Variants in POLA1 observed in about 807,000 individuals in gnomAD.
The protein encoded by POLA1 is DNA polymerase alpha catalytic subunit.
Under a neutral mutation model 124.0 loss-of-function variants are expected in POLA1, and 15 were observed. That is an observed-to-expected ratio of 0.12 (90% CI 0.08 to 0.19). The LOEUF is 0.19. Among genes scored for constraint, POLA1 ranks in the 10% least tolerant of loss-of-function variants. The pLI, the probability that POLA1 is intolerant of heterozygous loss-of-function variation, is 1.00. For synonymous variants in POLA1, 408 were observed against 389.4 expected (o/e 1.05, Z -0.56); for missense variants, 886 against 1,103.4 (o/e 0.80, Z 2.79).
At chrX:24,712,157 G>C (rs1307070679) in intron 4 of POLA1, among the ~76,000 whole-genome samples, 1 of 110,306 alleles carries the variant, frequency 9.1e-6, no homozygotes, top group African/African-American at 3.3e-5. Flanking sequence ...GCGGTCTCAG[G>C]TCATTGCAAC....
intron 32 of POLA1, among the ~76,000 whole-genome samples, chrX:24,838,980 G>A (rs889395585): frequency 9.0e-6 from 1 of 111,513 alleles, no homozygotes; most frequent in African/African-American, 3.3e-5. Flanking sequence ...CTAAGTTTGG[G>A]GCTTATTTAA....
At chrX:24,921,151 GAGGATTGAA>G (rs1435541310) in intron 35 of POLA1, among the ~76,000 whole-genome samples, 1 of 112,564 alleles carries the variant, frequency 8.9e-6, no homozygotes, top group Non-Finnish European at 1.9e-5. Context: ...GAGTTATTCT[GAGGATTGAA>G]TGCTTTGAAA....
chrX:24,987,413 C>T (rs902323953), intron 36 of POLA1, among the ~76,000 whole-genome samples: 1 of 111,640 alleles, frequency 9.0e-6, no homozygotes, highest in Non-Finnish European at 1.9e-5. Context: ...ATTTGTTACA[C>T]AGCAATGGTC....
intron 4 of POLA1, among the ~76,000 whole-genome samples, chrX:24,713,664 C>T (rs1240230342): frequency 1.8e-5 from 2 of 111,893 alleles, no homozygotes; most frequent in East Asian, 5.6e-4. Flanking sequence ...ATCCGCCCGC[C>T]TCGGTCTTTT....
chrX:24,790,934 T>TAA (rs1452898270), intron 26 of POLA1, among the ~76,000 whole-genome samples: 1 of 102,532 alleles, frequency 9.8e-6, no homozygotes, highest in African/African-American at 3.6e-5. Flanking sequence ...TATATATATA[T>TAA]ATATATAAAA....
intron 36 of POLA1, among the ~76,000 whole-genome samples, chrX:24,990,391 G>A (rs1569388012): frequency 1.8e-5 from 2 of 112,099 alleles, no homozygotes; most frequent in Non-Finnish European, 3.8e-5. Flanking sequence ...TTTACAGGCT[G>A]GCTTCTCTGC....
intron 26 of POLA1, among the ~76,000 whole-genome samples, chrX:24,802,079 G>C (rs945887730): frequency 2.3e-4 from 25 of 109,340 alleles, no homozygotes; most frequent in Non-Finnish European, 3.4e-4. Context: ...AGCAGAATTC[G>C]TTCTCCCTTG....
intron 1 of POLA1, among the ~76,000 whole-genome samples, chrX:24,694,946 C>T (rs933436213): frequency 8.9e-6 from 1 of 111,970 alleles, no homozygotes; most frequent in East Asian, 2.8e-4. Context: ...GTCGACCTGC[C>T]TGGATTACAG....
At chrX:24,952,014 G>C (rs1301808906) in intron 36 of POLA1, among the ~76,000 whole-genome samples, 2 of 111,885 alleles carry the variant, frequency 1.8e-5, no homozygotes, top group South Asian at 3.8e-4. Context: ...TCATGCACGA[G>C]TTAGGGGGTA....
At chrX:24,938,221 C>T (rs1377242104) in intron 36 of POLA1, among the ~76,000 whole-genome samples, 1 of 112,032 alleles carries the variant, frequency 8.9e-6, no homozygotes, top group Non-Finnish European at 1.9e-5. Flanking sequence ...TTGAGACCAG[C>T]CTGATCAACA....
At chrX:24,708,185 C>T (rs1336772903) in intron 4 of POLA1, among the ~76,000 whole-genome samples, 1 of 110,996 alleles carries the variant, frequency 9.0e-6, no homozygotes. Context: ...TGAAGCCTTC[C>T]TTGCTATTCA....
At chrX:24,989,451 G>A (rs1271896050) in intron 36 of POLA1, among the ~76,000 whole-genome samples, 1 of 108,794 alleles carries the variant, frequency 9.2e-6, no homozygotes, top group African/African-American at 3.4e-5. Flanking sequence ...TTTGAGACAG[G>A]GTCTTACTCT....
intron 26 of POLA1, 146 bp downstream of exon 26, chrX:24,749,138 T>C (rs986430489): frequency 1.1e-5 from 5 of 455,420 alleles, no homozygotes; most frequent in South Asian, 3.5e-5. Flanking sequence ...TTGAGACAAA[T>C]AGGCATTTAA....
At chrX:24,824,690 T>C (rs192478200) in intron 31 of POLA1, among the ~76,000 whole-genome samples, 1 of 109,665 alleles carries the variant, frequency 9.1e-6, no homozygotes, top group Admixed American at 9.7e-5. Context: ...GTCTTTTGAA[T>C]TTAGCCATGT....
chrX:24,966,590 A>G (rs909497316), intron 36 of POLA1, among the ~76,000 whole-genome samples: 2 of 112,512 alleles, frequency 1.8e-5, no homozygotes, highest in East Asian at 2.8e-4. Context: ...ATCTGAGTGC[A>G]TGTTTGTAAG....
chrX:24,859,499 G>A (rs1382113423), intron 34 of POLA1, among the ~76,000 whole-genome samples: 1 of 112,319 alleles, frequency 8.9e-6, no homozygotes, highest in East Asian at 2.8e-4. Flanking sequence ...TGCCTTCAGT[G>A]GTACAGTCTC....
intron 34 of POLA1, among the ~76,000 whole-genome samples, chrX:24,876,844 CTCTTT>C (rs901530093): frequency 2.7e-5 from 3 of 111,670 alleles, no homozygotes; most frequent in Non-Finnish European, 5.6e-5. Context: ...CAATTTTCTT[CTCTTT>C]TGAGACAAAG....
intron 32 of POLA1, among the ~76,000 whole-genome samples, chrX:24,826,968 T>C (rs1354770839): frequency 8.9e-6 from 1 of 112,321 alleles, no homozygotes; most frequent in Non-Finnish European, 1.9e-5. Context: ...ATCTTGATTA[T>C]TGGTTCATCT....
At chrX:24,865,015 G>A (rs1486433901) in intron 34 of POLA1, among the ~76,000 whole-genome samples, 1 of 111,780 alleles carries the variant, frequency 8.9e-6, no homozygotes, top group Admixed American at 9.5e-5. Flanking sequence ...TTACAGGTAA[G>A]GAAGCTGAAT....
Sources: allele counts gnomAD v4.1 joint callset (sites outside exome capture counted in the v4.1 genomes callset), GRCh38; gene constraint gnomAD v4.1.1; transcripts MANE v1.5; gene names NCBI Gene and HGNC (gene_info 2026-07-23, HGNC 2026-07-21).